Variants in PRR5L observed in about 807,000 individuals in gnomAD.
The protein encoded by PRR5L is proline-rich protein 5-like.
PRR5L carries 21 observed loss-of-function variants against 36.4 expected under a neutral mutation model. The ratio of observed to expected loss-of-function variants is 0.58; its 90% CI spans 0.41 to 0.83. PRR5L has a LOEUF of 0.83. Among genes scored for constraint, PRR5L ranks in the 40% least tolerant of loss-of-function variants. The probability of loss-of-function intolerance (pLI) is 0.00; values close to 1 mark genes in which losing one functional copy is unlikely to be tolerated. For missense variants in PRR5L, 381 were observed against 473.3 expected, an observed-to-expected ratio of 0.80 and a Z score of 1.81; for synonymous variants, 188 against 197.0, an observed-to-expected ratio of 0.95 and a Z score of 0.38.
rs1481962077 is a variant in PRR5L, at chr11:36,330,517, C to T, written c.-126+34079C>T. Among the ~76,000 whole-genome samples the T allele has an allele frequency of 4.6e-5, 7 of 152,142 alleles. No homozygotes were observed. The East Asian group carries it at 5.8e-4, about 13-fold the overall frequency. ...TCTGAGTACTTGTCATATCCCTTTC[C>T]GTGGGTCTTGAGAGAGGCCCTTTTG... On this transcript the variant is annotated intron_variant, in intron 1 of 8. Transcript: ENST00000530639.
chr11:36,376,374 A>C lies in PRR5L; in HGVS notation c.-125-24623A>C, dbSNP rs1389927800. On this transcript the variant is annotated intron_variant, in intron 1 of 8. Coordinates refer to ENST00000530639, the MANE Select transcript of PRR5L (RefSeq NM_001160167.2). ...GAGGAGGAGGAGGAGGAGGAGGAGG[A>C]GGCGGCCGTAAGATGAGAGAGGAGG... 9.6e-6 allele frequency: 10 copies of C among 1,036,714 alleles called. No homozygotes were observed. The African/African-American group carries it at 9.8e-5, about 10-fold the overall frequency. 64.2% of individuals were successfully genotyped at this position (1,036,714 alleles called of 1,614,324 possible).
chr11:36,459,798 C>T (rs1454595646), intron 8 of PRR5L, among the ~76,000 whole-genome samples: 1 of 152,152 alleles, frequency 6.6e-6, no homozygotes, highest in Admixed American at 6.5e-5. Flanking sequence ...TTTTATCCAC[C>T]CAGCATAGGT....
At chr11:36,404,676 AT>A (rs35481846) in intron 3 of PRR5L, among the ~76,000 whole-genome samples, 8,219 of 152,196 alleles carry the variant, frequency 0.054, 250 homozygotes, top group East Asian at 0.083. Flanking sequence ...AAACAAGTCC[AT>A]TGTTCTGTTC....
chr11:36,447,654 T>C (rs1253118673), intron 7 of PRR5L, among the ~76,000 whole-genome samples: 1 of 152,196 alleles, frequency 6.6e-6, no homozygotes, highest in Non-Finnish European at 1.5e-5. Context: ...TGATGGAATG[T>C]CAGGCATTGG....
At chr11:36,375,703 A>T (rs899397503) in intron 1 of PRR5L, among the ~76,000 whole-genome samples, 4 of 152,164 alleles carry the variant, frequency 2.6e-5, no homozygotes, top group Admixed American at 6.5e-5. Flanking sequence ...AACAAAACAA[A>T]ACCCAACAGT....
chr11:36,433,316 A>T (rs889307037), intron 5 of PRR5L, among the ~76,000 whole-genome samples: 8 of 151,978 alleles, frequency 5.3e-5, no homozygotes, highest in African/African-American at 1.9e-4. Context: ...CCATGCTTTG[A>T]CTAATCTAGG....
intron 3 of PRR5L, among the ~76,000 whole-genome samples, chr11:36,403,659 A>G (rs1462710125): frequency 1.3e-5 from 2 of 152,266 alleles, no homozygotes; most frequent in Non-Finnish European, 1.5e-5. Context: ...TTCTGTAAGC[A>G]TTTATTGTGC....
chr11:36,408,417 C>T (rs1394003854), intron 3 of PRR5L, among the ~76,000 whole-genome samples: 1 of 145,166 alleles, frequency 6.9e-6, no homozygotes, highest in East Asian at 1.9e-4. Context: ...CTGCCTTAGG[C>T]ACAGCTTGCA....
At chr11:36,341,140 C>A (rs946097123) in intron 1 of PRR5L, among the ~76,000 whole-genome samples, 4 of 152,024 alleles carry the variant, frequency 2.6e-5, no homozygotes, top group African/African-American at 9.7e-5. Context: ...CCAATATCCA[C>A]GGTGGTCGCC....
chr11:36,448,472 C>T (rs1188652351), intron 7 of PRR5L, among the ~76,000 whole-genome samples: 1 of 152,198 alleles, frequency 6.6e-6, no homozygotes, highest in East Asian at 1.9e-4. Flanking sequence ...CACCATTCCT[C>T]CTGCTCAGAA....
At chr11:36,361,871 C>G (rs145719843) in intron 1 of PRR5L, among the ~76,000 whole-genome samples, 1 of 151,950 alleles carries the variant, frequency 6.6e-6, no homozygotes, top group South Asian at 2.1e-4. Flanking sequence ...AAAGAGAGAT[C>G]GCGAGCCTCT....
At chr11:36,352,514 C>A (rs912850641) in intron 1 of PRR5L, among the ~76,000 whole-genome samples, 2 of 152,136 alleles carry the variant, frequency 1.3e-5, no homozygotes, top group Admixed American at 1.3e-4. Context: ...CTTACTCCTT[C>A]CCCCTTTCCC....
At position 36,388,845 on chromosome 11, in the gene PRR5L, C is replaced by A. The variant is rs568194511; in HGVS notation, c.-125-12152C>A. On this transcript the variant is annotated intron_variant, in intron 1 of 8. Transcript: ENST00000530639. ...TCCGGAGTAGCTGGGACTACAGGCGCCCGCCACCAAGCCCGGCTGATTTTT... is the reference window on the plus strand; with the variant it reads ...TCCGGAGTAGCTGGGACTACAGGCGACCGCCACCAAGCCCGGCTGATTTTT... Among the ~76,000 whole-genome samples the A allele has an allele frequency of 6.3e-3, 955 of 152,190 alleles. 5 individuals carry two copies. Among genetic ancestry groups the A allele is most frequent in the Non-Finnish European group, 0.011 (723 of 67,988 alleles).
chr11:36,333,327 T>G (rs1156977457), intron 1 of PRR5L, among the ~76,000 whole-genome samples: 1 of 152,114 alleles, frequency 6.6e-6, no homozygotes, highest in Non-Finnish European at 1.5e-5. Context: ...ACTGGCTGTT[T>G]CCCATATTGC....
chr11:36,385,047 G>A (rs143879774), intron 1 of PRR5L, among the ~76,000 whole-genome samples: 1 of 152,154 alleles, frequency 6.6e-6, no homozygotes, highest in Non-Finnish European at 1.5e-5. Context: ...TTTAAAGTAA[G>A]TTGCACATTT....
chr11:36,462,074 T>G (rs913831088), intron 8 of PRR5L, among the ~76,000 whole-genome samples: 3 of 152,158 alleles, frequency 2.0e-5, no homozygotes, highest in East Asian at 3.9e-4. Flanking sequence ...CAGATTCCCT[T>G]GACTCTTATC....
intron 1 of PRR5L, among the ~76,000 whole-genome samples, chr11:36,336,420 G>C (rs1480357619): frequency 2.0e-5 from 3 of 151,606 alleles, no homozygotes; most frequent in Admixed American, 6.6e-5. Context: ...AGTAGAGACT[G>C]AGTTTTGCCA....
chr11:36,338,247 C>G (rs114916748), intron 1 of PRR5L, among the ~76,000 whole-genome samples: 2,102 of 152,292 alleles, frequency 0.014, 46 homozygotes, highest in African/African-American at 0.047. Context: ...CCTTTACTTA[C>G]TTGCAGTTCT....
chr11:36,406,897 C>T (rs28520436), intron 3 of PRR5L, among the ~76,000 whole-genome samples: 3,471 of 152,268 alleles, frequency 0.023, 64 homozygotes, highest in East Asian at 0.034. Flanking sequence ...GACCAGGGAT[C>T]AAGACTGGGC....
Sources: allele counts gnomAD v4.1 joint callset (sites outside exome capture counted in the v4.1 genomes callset), GRCh38; gene constraint gnomAD v4.1.1; transcripts MANE v1.5; gene names NCBI Gene and HGNC (gene_info 2026-07-23, HGNC 2026-07-21).